The following CAP2 variants were observed in gnomAD, a reference collection of about 807,000 sequenced individuals.
CAP2 encodes adenylyl cyclase-associated protein 2.
In CAP2, 24 loss-of-function variants were observed where a neutral mutation model predicts 57.7. That is an observed-to-expected ratio of 0.42 (90% CI 0.30 to 0.58). The LOEUF (loss-of-function observed/expected upper bound fraction) is 0.58. Ranked by LOEUF, CAP2 falls within the 20% of genes least tolerant of loss-of-function variation. CAP2 has a pLI of 0.22. For synonymous variants in CAP2, 194 were observed against 207.2 expected, an observed-to-expected ratio of 0.94 and a Z score of 0.55; for missense variants, 501 against 590.3, an observed-to-expected ratio of 0.85 and a Z score of 1.57.
At chr6:17,550,967 T>C (rs1023036511) in intron 11 of CAP2, among the ~76,000 whole-genome samples, 11 of 152,202 alleles carry the variant, frequency 7.2e-5, no homozygotes, top group African/African-American at 9.7e-5. Flanking sequence ...TAGTGTTTCT[T>C]ATTTAAGTTC....
chr6:17,495,268 G>A (rs1405060213), intron 4 of CAP2, among the ~76,000 whole-genome samples: 4 of 152,166 alleles, frequency 2.6e-5, no homozygotes, highest in African/African-American at 4.8e-5. Flanking sequence ...ACCTGGACCA[G>A]CTCTGGCACA....
chr6:17,518,992 A>G (rs1470943665), intron 7 of CAP2, among the ~76,000 whole-genome samples: 1 of 152,134 alleles, frequency 6.6e-6, no homozygotes, highest in Non-Finnish European at 1.5e-5. Flanking sequence ...CCATTGCACA[A>G]AACTCCTACT....
chr6:17,471,394 T>C (rs929951077), intron 4 of CAP2, among the ~76,000 whole-genome samples: 4 of 152,214 alleles, frequency 2.6e-5, no homozygotes, highest in Non-Finnish European at 5.9e-5. Flanking sequence ...TGAAGTTGGG[T>C]TTTTCTTAAT....
At chr6:17,422,160 T>A (rs1323002766) in intron 2 of CAP2, among the ~76,000 whole-genome samples, 4 of 152,228 alleles carry the variant, frequency 2.6e-5, no homozygotes, top group African/African-American at 4.8e-5. Flanking sequence ...GAAACTAATG[T>A]TCTTGATTAG....
At chr6:17,421,417 T>G (rs1759442405) in intron 1 of CAP2, 138 bp from the exon 2 acceptor site, 1 of 879,530 alleles carries the variant, frequency 1.1e-6, no homozygotes, top group Non-Finnish European at 1.8e-6. Context: ...ATACATACAA[T>G]TTCATGGTTA....
intron 7 of CAP2, chr6:17,531,491 A>G: frequency 6.7e-7 from 1 of 1,487,364 alleles, no homozygotes; most frequent in African/African-American, 1.4e-5. Flanking sequence ...TTTTTCATAG[A>G]TAAGCTTCTT....
At chr6:17,395,886 A>T (rs1245074557) in intron 1 of CAP2, among the ~76,000 whole-genome samples, 4 of 152,190 alleles carry the variant, frequency 2.6e-5, no homozygotes, top group Non-Finnish European at 4.4e-5. Flanking sequence ...ATGGGAGGAA[A>T]TATTTAGGAA....
chr6:17,521,164 C>T (rs191422897), intron 7 of CAP2, among the ~76,000 whole-genome samples: 3 of 152,220 alleles, frequency 2.0e-5, no homozygotes. Flanking sequence ...CCTGTAATCC[C>T]GGCATTTTGA....
intron 1 of CAP2, among the ~76,000 whole-genome samples, chr6:17,414,344 G>T (rs534511334): frequency 3.3e-5 from 5 of 151,920 alleles, no homozygotes; most frequent in African/African-American, 1.2e-4. Flanking sequence ...CGTTACATAG[G>T]TATACTTGTG....
chr6:17,543,387 G>T (rs577907385), intron 11 of CAP2, among the ~76,000 whole-genome samples: 1 of 152,228 alleles, frequency 6.6e-6, no homozygotes, highest in East Asian at 1.9e-4. Flanking sequence ...GGAGGCCGAG[G>T]TGGGCGGATC....
chr6:17,476,479 C>G (rs1761152724), intron 4 of CAP2, among the ~76,000 whole-genome samples: 1 of 152,208 alleles, frequency 6.6e-6, no homozygotes, highest in African/African-American at 2.4e-5. Flanking sequence ...CAGCATTTCT[C>G]TGGCCTGGAC....
intron 3 of CAP2, among the ~76,000 whole-genome samples, chr6:17,431,916 A>G (rs1340191449): frequency 1.3e-5 from 2 of 152,084 alleles, no homozygotes; most frequent in African/African-American, 2.4e-5. Context: ...GAGCATCTTC[A>G]GCCATGCCAG....
intron 4 of CAP2, among the ~76,000 whole-genome samples, chr6:17,489,001 C>A (rs183292718): frequency 6.6e-6 from 1 of 152,158 alleles, no homozygotes; most frequent in Non-Finnish European, 1.5e-5. Context: ...GCTGGCAGGA[C>A]GTCCTACCAT....
At chr6:17,420,679 G>T (rs945472689) in intron 1 of CAP2, among the ~76,000 whole-genome samples, 2 of 152,152 alleles carry the variant, frequency 1.3e-5, no homozygotes, top group Non-Finnish European at 2.9e-5. Context: ...ATGTTTTGTG[G>T]GCTTTTAAAA....
intron 7 of CAP2, among the ~76,000 whole-genome samples, chr6:17,538,770 A>G (rs998624513): frequency 1.3e-5 from 2 of 152,174 alleles, no homozygotes; most frequent in African/African-American, 4.8e-5. Context: ...AGGTCCAGAG[A>G]GTTTCTGTAT....
intron 3 of CAP2, among the ~76,000 whole-genome samples, chr6:17,451,742 G>A (rs941105431): frequency 6.6e-6 from 1 of 151,986 alleles, no homozygotes; most frequent in Non-Finnish European, 1.5e-5. Flanking sequence ...ACTCCTGACC[G>A]CAGGTGATCC....
chr6:17,489,638 C>G (rs2113633406), intron 4 of CAP2, among the ~76,000 whole-genome samples: 1 of 152,104 alleles, frequency 6.6e-6, no homozygotes, highest in East Asian at 1.9e-4. Context: ...CTACACTCTT[C>G]CATGCACCTC....
rs1761728387 is a variant in CAP2, at chr6:17,498,729, A to T, written c.301-8440A>T. On this transcript the variant is annotated intron_variant, in intron 4 of 12. Transcript: ENST00000229922. The stretch of plus-strand genomic sequence containing the variant: ...TGTTTTATTTTATTTTATTTATTTT[A>T]TTTATTTATATTTTTTTGAGATGGA... Among the ~76,000 whole-genome samples, 4 of 151,850 alleles carry T rather than the reference A, an allele frequency of 2.6e-5. No homozygotes were observed. In the South Asian group the frequency reaches 8.3e-4, roughly 32 times the overall value.
intron 3 of CAP2, among the ~76,000 whole-genome samples, chr6:17,452,358 G>T (rs530207388): frequency 1.3e-5 from 2 of 152,178 alleles, no homozygotes; most frequent in Non-Finnish European, 2.9e-5. Context: ...ACAAGCAGAC[G>T]TATATGTTTC....
Sources: allele counts gnomAD v4.1 joint callset (sites outside exome capture counted in the v4.1 genomes callset), GRCh38; gene constraint gnomAD v4.1.1; transcripts MANE v1.5; gene names NCBI Gene and HGNC (gene_info 2026-07-23, HGNC 2026-07-21).